PRRC1: variants seen among roughly 807,000 people sequenced by gnomAD.
PRRC1 encodes the protein protein PRRC1.
PRRC1 carries 39 observed loss-of-function variants against 40.7 expected under a neutral mutation model. That is an observed-to-expected ratio of 0.96 (90% CI 0.74 to 1.25). The LOEUF (loss-of-function observed/expected upper bound fraction) is 1.25. PRRC1 is among the 50% of genes most tolerant of loss of function. The probability of loss-of-function intolerance (pLI) is 0.00; values close to 1 mark genes in which losing one functional copy is unlikely to be tolerated. For missense variants in PRRC1, 573 were observed against 548.3 expected (o/e 1.05, Z -0.45); for synonymous variants, 175 against 193.3 (o/e 0.91, Z 0.79).
chr5:127,525,935 TA>T (rs904011500), intron 3 of PRRC1, among the ~76,000 whole-genome samples: 4 of 152,192 alleles, frequency 2.6e-5, no homozygotes, highest in African/African-American at 9.7e-5. Flanking sequence ...TTTAGCCAGG[TA>T]AAAAGTCAGA....
At chr5:127,551,670 A>G (rs1193448906) in intron 8 of PRRC1, 37 bp from the exon 9 acceptor site, 1 of 1,581,574 alleles carries the variant, frequency 6.3e-7, no homozygotes, top group African/African-American at 1.4e-5. Flanking sequence ...ATATTTTTAA[A>G]TGTATTATAA....
intron 8 of PRRC1, chr5:127,548,240 C>T (rs940544681): frequency 2.7e-5 from 13 of 490,006 alleles, no homozygotes; most frequent in African/African-American, 1.2e-4. Flanking sequence ...GTCCGCCTTT[C>T]GTTTGCTTTC....
chr5:127,533,898 CAATG>C, intron 6 of PRRC1, 112 bp downstream of exon 6: 1 of 1,172,946 alleles, frequency 8.5e-7, no homozygotes, highest in Non-Finnish European at 1.3e-6. Flanking sequence ...ACTGAAATAA[CAATG>C]AACTTTGCTT....
rs567764023 is a variant in PRRC1 at position 127,551,725 on chromosome 5, C to G, written c.1147C>G (p.Gln383Glu). Residue 383 changes from glutamine to glutamate, a missense_variant, in exon 9 of 9, where the codon CAG (glutamine) becomes GAG (glutamate). Gln to Glu is a conservative substitution (Grantham distance 29). Transcript: ENST00000296666. ...FVQQAQSLTP[Q>E]DYNLRWSGLL... ...TCCACAGGCTCAAAGTCTAACTCCC[C>G]AGGACTATAATCTGAGGTGGTCAGG... is the stretch of plus-strand genomic sequence containing the variant. 6.2e-7 allele frequency: 1 copy of G among 1,614,024 alleles called. No homozygotes were observed. The highest frequency in any genetic ancestry group is 1.7e-5 in the Admixed American group (1 of 59,986).
At chr5:127,523,930 A>G (rs1197690281) in intron 2 of PRRC1, 2 of 180,550 alleles carry the variant, frequency 1.1e-5, no homozygotes, top group African/African-American at 2.4e-5. Flanking sequence ...GCTGGAGTGC[A>G]GTGGTGCGAT....
intron 7 of PRRC1, among the ~76,000 whole-genome samples, chr5:127,543,665 C>T (rs1438429438): frequency 2.0e-4 from 31 of 152,280 alleles, no homozygotes; most frequent in African/African-American, 5.1e-4. Context: ...TTGATCGCGT[C>T]GGCTCCTGAG....
At chr5:127,522,809 C>G (rs952920622) in intron 1 of PRRC1, among the ~76,000 whole-genome samples, 2 of 151,756 alleles carry the variant, frequency 1.3e-5, no homozygotes, top group Admixed American at 1.3e-4. Context: ...CTTGCTCTGT[C>G]ACGCAGGCTG....
At position 127,524,640 on chromosome 5, in the gene PRRC1, A is replaced by G; in HGVS notation, c.213A>G (p.Pro71=). 6.2e-7 allele frequency: 1 copy of G among 1,614,026 alleles called. No individual in the cohort carries two copies. The change falls in exon 3 of 9, where the codon CCA becomes CCG. Residue 71 remains proline (P), a synonymous_variant. Coordinates refer to ENST00000296666, the MANE Select transcript of PRRC1 (RefSeq NM_130809.5). ...TTCCTCCTGTGAGGCCTTCAGCACC[A>G]TTACCTTTTGTGCCTCCTCCTGCAG... ...PPLPPVRPSA[P]LPFVPPPAVP... is the part of the protein sequence containing the mutation.
At position 127,533,749 on chromosome 5, in the gene PRRC1, T is replaced by C; in HGVS notation, c.884T>C (p.Ile295Thr). Residue 295 changes from isoleucine (I) to threonine (T), a missense_variant, in exon 6 of 9, where the codon ATT becomes ACT. Ile to Thr is a moderately conservative substitution (Grantham distance 89). Transcript: ENST00000296666. ...VVVGEAGQSN[I>T]APQPVGYAAG... is the part of the protein sequence containing the mutation. ...GTAGGGGAAGCTGGACAGTCCAATATTGCCCCACAACCAGTGGGCTATGCA... is the reference window on the plus strand; with the variant it reads ...GTAGGGGAAGCTGGACAGTCCAATACTGCCCCACAACCAGTGGGCTATGCA... 1.9e-6 allele frequency: 3 copies of C among 1,614,072 alleles called. No homozygotes were observed. Among genetic ancestry groups the C allele is most frequent in the Non-Finnish European group, 2.5e-6 (3 of 1,179,980 alleles).
At chr5:127,541,324 T>A (rs2127108879) in intron 7 of PRRC1, among the ~76,000 whole-genome samples, 1 of 152,314 alleles carries the variant, frequency 6.6e-6, no homozygotes, top group East Asian at 1.9e-4. Context: ...AGGATATTGG[T>A]CTAAAATTCT....
At chr5:127,544,779 C>G (rs1206148969) in intron 7 of PRRC1, among the ~76,000 whole-genome samples, 1 of 152,170 alleles carries the variant, frequency 6.6e-6, no homozygotes, top group African/African-American at 2.4e-5. Flanking sequence ...CAGGTTCCGT[C>G]TGTCACCCCT....
At chr5:127,522,125 T>C (rs573215742) in intron 1 of PRRC1, among the ~76,000 whole-genome samples, 90 of 152,358 alleles carry the variant, frequency 5.9e-4, no homozygotes, top group Non-Finnish European at 6.5e-4. Flanking sequence ...TAAAAACTTA[T>C]TAAATGAATA....
intron 5 of PRRC1, 30 bp downstream of exon 5, chr5:127,530,426 C>A: frequency 6.6e-7 from 1 of 1,522,674 alleles, no homozygotes; most frequent in Non-Finnish European, 9.1e-7. Flanking sequence ...CGGTATCTGC[C>A]ATTTTTTTTT....
chr5:127,540,196 G>A (rs1768003794), intron 7 of PRRC1, among the ~76,000 whole-genome samples: 3 of 152,008 alleles, frequency 2.0e-5, no homozygotes, highest in Non-Finnish European at 2.9e-5. Flanking sequence ...TTCTATGTAA[G>A]CACTGAGAAA....
At position 127,554,653 on chromosome 5, in the gene PRRC1, T is replaced by G. The variant is rs375145495; in HGVS notation, c.*2737T>G. 2.6e-5 allele frequency: 4 copies of G among 152,696 alleles called. No homozygotes were observed. The highest frequency in any genetic ancestry group is 1.3e-4 in the Admixed American group (2 of 15,294). The allele number at this position is 152,696 out of a possible 1,614,324, so 9.5% of individuals were successfully genotyped here. Reference sequence around the variant, plus strand: ...AGTAATTTCCTCGTAATGATTCTGTTATTACTTTCCTATTCTTTATTCCTC... The same window carrying G: ...AGTAATTTCCTCGTAATGATTCTGTGATTACTTTCCTATTCTTTATTCCTC... On this transcript the variant is annotated 3_prime_UTR_variant, in exon 9 of 9. Transcript: ENST00000296666.
chr5:127,529,213 TATTATA>T (rs1332540135), intron 4 of PRRC1, among the ~76,000 whole-genome samples: 49 of 151,642 alleles, frequency 3.2e-4, no homozygotes, highest in Admixed American at 7.2e-4. Flanking sequence ...GCAATTTTAT[TATTATA>T]ATTATAATTT....
chr5:127,551,796 T>C lies in PRRC1; in HGVS notation c.1218T>C (p.Asn406=), dbSNP rs761566627. 15 of 1,614,114 alleles carry C rather than the reference T, an allele frequency of 9.3e-6. No homozygotes were observed. The South Asian group carries it at 1.2e-4, about 13-fold the overall frequency. The stretch of plus-strand genomic sequence containing the variant: ...AAGTCCTGGAAAAGAGTTTACTGAA[T>C]GTCAGCCGGACTGATTGGCACATGG... ...VGEVLEKSLL[N]VSRTDWHMAF... is the part of the protein sequence containing the mutation. Residue 406 remains asparagine, a synonymous_variant, in exon 9 of 9, where the codon AAT becomes AAC. Coordinates refer to ENST00000296666, the MANE Select transcript of PRRC1 (RefSeq NM_130809.5).
chr5:127,553,261 C>T lies in PRRC1; in HGVS notation c.*1345C>T. On this transcript the variant is annotated 3_prime_UTR_variant, in exon 9 of 9. Coordinates refer to ENST00000296666, the MANE Select transcript of PRRC1 (RefSeq NM_130809.5). ...TATCAGGTTTGCTTTGTGTTAATGCCACTTCAAGTCATTATTTGGTTTCTG... is the reference window on the plus strand; with the variant it reads ...TATCAGGTTTGCTTTGTGTTAATGCTACTTCAAGTCATTATTTGGTTTCTG... 5 of 987,064 alleles carry T rather than the reference C, an allele frequency of 5.1e-6. No individual in the cohort carries two copies. Among genetic ancestry groups the T allele is most frequent in the Non-Finnish European group, 6.0e-6 (5 of 831,204 alleles). The allele number at this position is 987,064 out of a possible 1,614,324, so 61.1% of individuals were successfully genotyped here.
At chr5:127,543,690 C>G (rs1768122862) in intron 7 of PRRC1, among the ~76,000 whole-genome samples, 1 of 152,238 alleles carries the variant, frequency 6.6e-6, no homozygotes, top group Non-Finnish European at 1.5e-5. Flanking sequence ...CTGCATTCTT[C>G]ATGTAGTTCT....
Sources: gnomAD v4.1 joint callset for allele counts (sites outside exome capture counted in the v4.1 genomes callset) on GRCh38, gnomAD v4.1.1 for gene constraint, MANE v1.5 for transcripts, NCBI Gene and HGNC (gene_info 2026-07-23, HGNC 2026-07-21) for gene names.